The following EXOC6B variants were observed in gnomAD, a reference collection of about 807,000 sequenced individuals.
EXOC6B encodes the protein exocyst complex component 6B.
Under a neutral mutation model 113.5 loss-of-function variants are expected in EXOC6B, and 54 were observed. The observed-to-expected ratio is 0.48, with a 90% CI of 0.38 to 0.60. EXOC6B has a LOEUF of 0.60. Ranked by LOEUF, EXOC6B falls within the 20% of genes least tolerant of loss-of-function variation. EXOC6B has a pLI of 0.00. For missense variants in EXOC6B, 797 were observed against 977.5 expected, an observed-to-expected ratio of 0.82 and a Z score of 2.46; for synonymous variants, 357 against 339.0, an observed-to-expected ratio of 1.05 and a Z score of -0.58.
chr2:72,539,498 A>G (rs1319069594), intron 8 of EXOC6B, among the ~76,000 whole-genome samples: 1 of 152,198 alleles, frequency 6.6e-6, no homozygotes, highest in Non-Finnish European at 1.5e-5. Flanking sequence ...GGCTCCCAAC[A>G]TCACTTTTAG....
intron 6 of EXOC6B, among the ~76,000 whole-genome samples, chr2:72,579,551 G>C (rs1215667967): frequency 2.0e-5 from 3 of 152,102 alleles, no homozygotes; most frequent in East Asian, 3.9e-4. Flanking sequence ...GAAGTTAGAG[G>C]AGAGCCCACA....
At chr2:72,543,683 GT>G (rs1702743127) in intron 8 of EXOC6B, among the ~76,000 whole-genome samples, 1 of 152,212 alleles carries the variant, frequency 6.6e-6, no homozygotes, top group Admixed American at 6.5e-5. Context: ...TTAGCCCATA[GT>G]GCAGGAAAGT....
At chr2:72,740,273 A>G (rs1056579369) in intron 2 of EXOC6B, among the ~76,000 whole-genome samples, 4 of 152,168 alleles carry the variant, frequency 2.6e-5, no homozygotes, top group Non-Finnish European at 1.5e-5. Context: ...GCCCAGGAAA[A>G]TCCTTTTAGG....
At chr2:72,483,656 T>A (rs901712802) in intron 16 of EXOC6B, among the ~76,000 whole-genome samples, 32 of 152,212 alleles carry the variant, frequency 2.1e-4, no homozygotes, top group African/African-American at 7.7e-4. Flanking sequence ...CATGTCATTT[T>A]CAGAGAGAAT....
chr2:72,653,325 A>G (rs1157027014), intron 6 of EXOC6B, among the ~76,000 whole-genome samples: 7 of 143,002 alleles, frequency 4.9e-5, no homozygotes, highest in Non-Finnish European at 9.0e-5. Flanking sequence ...CAAACACCGC[A>G]TATTCTCACT....
chr2:72,718,323 A>G lies in EXOC6B; in HGVS notation c.465-16T>C. 1 of 1,612,064 alleles carries G rather than the reference A, an allele frequency of 6.2e-7. No individual in the cohort carries two copies. Among genetic ancestry groups the G allele is most frequent in the African/African-American group, 1.3e-5 (1 of 74,994 alleles). On this transcript the variant is annotated splice_polypyrimidine_tract_variant and intron_variant, in intron 5 of 21. Transcript: ENST00000272427. Reference sequence around the variant, plus strand: ...AGGATAATGCCTACAAAAGGAATTGATCACCTTTAGCTCACTCAGTTTTCT... The same window carrying G: ...AGGATAATGCCTACAAAAGGAATTGGTCACCTTTAGCTCACTCAGTTTTCT...
intron 11 of EXOC6B, among the ~76,000 whole-genome samples, chr2:72,503,673 G>A (rs1700448865): frequency 6.6e-6 from 1 of 152,146 alleles, no homozygotes; most frequent in Admixed American, 6.5e-5. Flanking sequence ...AGGTTTTAGT[G>A]TGGAAGTAAG....
chr2:72,294,657 C>T (rs983604690), intron 20 of EXOC6B, among the ~76,000 whole-genome samples: 4 of 151,878 alleles, frequency 2.6e-5, no homozygotes, highest in Non-Finnish European at 5.9e-5. Context: ...TATGGTTTTA[C>T]GCTTTGTTGT....
intron 6 of EXOC6B, among the ~76,000 whole-genome samples, chr2:72,630,606 AT>A (rs1199466774): frequency 1.3e-5 from 2 of 152,118 alleles, no homozygotes; most frequent in African/African-American, 4.8e-5. Flanking sequence ...TCATTCTGAG[AT>A]CATCAAACTT....
intron 18 of EXOC6B, among the ~76,000 whole-genome samples, chr2:72,448,898 G>A (rs146707178): frequency 9.2e-5 from 14 of 152,268 alleles, no homozygotes; most frequent in African/African-American, 3.1e-4. Context: ...TGGGAAGATG[G>A]CTAAGTCTTT....
intron 8 of EXOC6B, among the ~76,000 whole-genome samples, chr2:72,551,543 C>G (rs1355596580): frequency 2.7e-5 from 4 of 145,588 alleles, no homozygotes; most frequent in African/African-American, 1.0e-4. Flanking sequence ...CTCGCTCTGT[C>G]CCCCAGGCTG....
At chr2:72,220,234 T>A (rs1343381470) in intron 20 of EXOC6B, among the ~76,000 whole-genome samples, 1 of 152,196 alleles carries the variant, frequency 6.6e-6, no homozygotes, top group East Asian at 1.9e-4. Context: ...TGAGCTCGTT[T>A]AAGGACTATA....
intron 20 of EXOC6B, among the ~76,000 whole-genome samples, chr2:72,221,777 C>T (rs1680880623): frequency 6.6e-6 from 1 of 152,166 alleles, no homozygotes; most frequent in South Asian, 2.1e-4. Flanking sequence ...AGGGGTAGAA[C>T]TAATTTCTTC....
intron 6 of EXOC6B, among the ~76,000 whole-genome samples, chr2:72,611,967 A>G (rs1390297864): frequency 6.7e-6 from 1 of 149,830 alleles, no homozygotes; most frequent in Non-Finnish European, 1.5e-5. Context: ...TAAATTAAAC[A>G]ATAAATATTT....
At chr2:72,484,318 G>A (rs993685711) in intron 16 of EXOC6B, among the ~76,000 whole-genome samples, 1 of 151,654 alleles carries the variant, frequency 6.6e-6, no homozygotes, top group African/African-American at 2.4e-5. Context: ...CAGCACTTTG[G>A]GAGGCCGAGA....
chr2:72,639,950 G>A (rs1449809062), intron 6 of EXOC6B, among the ~76,000 whole-genome samples: 1 of 152,192 alleles, frequency 6.6e-6, no homozygotes, highest in Non-Finnish European at 1.5e-5. Context: ...AACTCAAAAA[G>A]CCAGCGTGCT....
At chr2:72,345,176 T>C (rs906000344) in intron 19 of EXOC6B, among the ~76,000 whole-genome samples, 11 of 152,160 alleles carry the variant, frequency 7.2e-5, no homozygotes, top group African/African-American at 2.4e-4. Flanking sequence ...CCCCTGGAAG[T>C]TGCAAGCTTT....
intron 18 of EXOC6B, among the ~76,000 whole-genome samples, chr2:72,404,527 A>C (rs1558634731): frequency 6.6e-6 from 1 of 152,194 alleles, no homozygotes; most frequent in Non-Finnish European, 1.5e-5. Flanking sequence ...AGGAACCATC[A>C]GGCAGCAGCA....
At chr2:72,533,038 A>G (rs1702096721) in intron 8 of EXOC6B, among the ~76,000 whole-genome samples, 1 of 152,190 alleles carries the variant, frequency 6.6e-6, no homozygotes, top group Admixed American at 6.5e-5. Flanking sequence ...AAATAGTCAA[A>G]TATCTGAAGG....
Sources: gnomAD v4.1 joint callset for allele counts (sites outside exome capture counted in the v4.1 genomes callset) on GRCh38, gnomAD v4.1.1 for gene constraint, MANE v1.5 for transcripts, NCBI Gene and HGNC (gene_info 2026-07-23, HGNC 2026-07-21) for gene names.